Variants in MAML3 observed in about 807,000 individuals in gnomAD.
MAML3 encodes mastermind-like protein 3.
Under a neutral mutation model 101.9 loss-of-function variants are expected in MAML3, and 27 were observed. The observed-to-expected ratio is 0.27, with a 90% CI of 0.20 to 0.37. The LOEUF (loss-of-function observed/expected upper bound fraction) is 0.37, where lower values mean the gene tolerates loss of function less well. MAML3 is among the 10% of genes least tolerant of loss of function. The pLI, the probability that MAML3 is intolerant of heterozygous loss-of-function variation, is 1.00. For missense variants in MAML3, 1,316 were observed against 1,444.9 expected (o/e 0.91, Z 1.45); for synonymous variants, 501 against 555.9 (o/e 0.90, Z 1.39).
intron 1 of MAML3, among the ~76,000 whole-genome samples, chr4:140,008,885 C>T (rs1349799258): frequency 1.3e-5 from 2 of 152,152 alleles, no homozygotes; most frequent in South Asian, 2.1e-4. Flanking sequence ...TTCGCCACCA[C>T]GAAAACTCTT....
intron 1 of MAML3, among the ~76,000 whole-genome samples, chr4:140,063,368 T>C (rs1330119679): frequency 6.6e-6 from 1 of 152,140 alleles, no homozygotes; most frequent in African/African-American, 2.4e-5. Context: ...GATGCATAGA[T>C]AGATCCTTCC....
At chr4:139,862,220 C>G (rs1731797232) in intron 2 of MAML3, among the ~76,000 whole-genome samples, 1 of 152,026 alleles carries the variant, frequency 6.6e-6, no homozygotes, top group Admixed American at 6.5e-5. Context: ...CAAAAACAAA[C>G]AAACAAAAAA....
At chr4:140,089,306 CAAT>C (rs1290439923) in intron 1 of MAML3, among the ~76,000 whole-genome samples, 1 of 152,016 alleles carries the variant, frequency 6.6e-6, no homozygotes, top group African/African-American at 2.4e-5. Flanking sequence ...AGATTTTGAC[CAAT>C]AATAATAAGA....
At chr4:139,978,618 AAAG>A (rs1423714558) in intron 1 of MAML3, among the ~76,000 whole-genome samples, 2 of 151,310 alleles carry the variant, frequency 1.3e-5, no homozygotes, top group African/African-American at 2.4e-5. Context: ...CATCAAAAAA[AAAG>A]AGAGAGAGAG....
chr4:139,801,485 G>A (rs1283427002), intron 2 of MAML3, among the ~76,000 whole-genome samples: 1 of 152,164 alleles, frequency 6.6e-6, no homozygotes, highest in Non-Finnish European at 1.5e-5. Flanking sequence ...GAAGGGAGGA[G>A]CATAAAACAT....
chr4:139,753,074 C>T (rs1458158644), intron 2 of MAML3, among the ~76,000 whole-genome samples: 1 of 152,162 alleles, frequency 6.6e-6, no homozygotes, highest in Non-Finnish European at 1.5e-5. Context: ...GGAGAGGGCT[C>T]AGCCAGTGAA....
At chr4:140,114,280 T>C (rs143906341) in intron 1 of MAML3, among the ~76,000 whole-genome samples, 1,622 of 152,318 alleles carry the variant, frequency 0.011, 37 homozygotes, top group African/African-American at 0.037. Flanking sequence ...TGTGGAGAAA[T>C]CTCACCAGCT....
At chr4:139,894,885 A>C (rs1396797404) in intron 1 of MAML3, among the ~76,000 whole-genome samples, 1 of 152,242 alleles carries the variant, frequency 6.6e-6, no homozygotes, top group Non-Finnish European at 1.5e-5. Flanking sequence ...TCACAGCTTT[A>C]GGACTTAAAG....
rs56928318 is a variant in MAML3, at chr4:139,864,923, C to CTTGTTTTTTT, written c.2079+24433_2079+24434insAAAAAAACAA. 3.3e-3 allele frequency among the ~76,000 whole-genome samples: 206 copies of CTTGTTTTTTT among 62,468 alleles called. 83 individuals carry two copies. Among genetic ancestry groups the CTTGTTTTTTT allele is most frequent in the African/African-American group, 8.1e-3 (138 of 17,070 alleles). The allele number at this position is 62,468 out of a possible 152,430, so 41.0% of individuals were successfully genotyped here. A position where few individuals can be genotyped will look rare whatever the true frequency, so the allele number is the denominator to read the frequency against. ...TTAGGAAAATAGTAATGCAAACTTGCTTTTTTTTTTTTTTTTTTTTTTTTT... is the reference window on the plus strand; with the variant it reads ...TTAGGAAAATAGTAATGCAAACTTGCTTGTTTTTTTTTTTTTTTTTTTTTTTTTTTTTTTT... On this transcript the variant is annotated intron_variant, in intron 2 of 4. Coordinates refer to ENST00000509479, the MANE Select transcript of MAML3 (RefSeq NM_018717.5).
chr4:139,889,304 G>A (rs1406436076), intron 2 of MAML3, 53 bp downstream of exon 2: 1 of 1,613,428 alleles, frequency 6.2e-7, no homozygotes, highest in African/African-American at 1.3e-5. Flanking sequence ...CACATCGACA[G>A]TCTGAAATGC....
At chr4:139,941,524 GTGT>G (rs141468630) in intron 1 of MAML3, among the ~76,000 whole-genome samples, 46,882 of 150,498 alleles carry the variant, frequency 0.31, 7,538 homozygotes, top group Non-Finnish European at 0.35. Flanking sequence ...TAACCCTAAT[GTGT>G]TGTTGTTGTT....
intron 1 of MAML3, among the ~76,000 whole-genome samples, chr4:139,967,394 A>G (rs760550865): frequency 6.6e-6 from 1 of 150,928 alleles, no homozygotes; most frequent in Non-Finnish European, 1.5e-5. Flanking sequence ...ATCTTACCCT[A>G]TTTCCCTGTG....
intron 1 of MAML3, among the ~76,000 whole-genome samples, chr4:139,966,440 C>T (rs565495825): frequency 6.6e-6 from 1 of 152,232 alleles, no homozygotes; most frequent in Admixed American, 6.5e-5. Context: ...ATGGTGAAGT[C>T]AGCTCATCAA....
intron 2 of MAML3, among the ~76,000 whole-genome samples, chr4:139,845,628 C>G (rs1731430389): frequency 2.0e-5 from 3 of 152,102 alleles, no homozygotes; most frequent in African/African-American, 7.2e-5. Context: ...TAAAATTTTA[C>G]TCATCTCAGT....
intron 1 of MAML3, among the ~76,000 whole-genome samples, chr4:139,929,636 G>A (rs186848640): frequency 1.3e-5 from 2 of 152,188 alleles, no homozygotes; most frequent in South Asian, 2.1e-4. Flanking sequence ...GGTACATAAC[G>A]TATGGGCAGA....
intron 1 of MAML3, among the ~76,000 whole-genome samples, chr4:140,122,791 CAAAAAAA>C (rs35276329): frequency 1.2e-5 from 1 of 82,950 alleles, no homozygotes; most frequent in Non-Finnish European, 2.6e-5. Context: ...GACTCCGTCT[CAAAAAAA>C]AAAAAAAAAA....
At chr4:140,082,207 A>G (rs1367515335) in intron 1 of MAML3, among the ~76,000 whole-genome samples, 1 of 152,214 alleles carries the variant, frequency 6.6e-6, no homozygotes, top group African/African-American at 2.4e-5. Context: ...GGTTCAAGGG[A>G]AGAATGTTTT....
intron 1 of MAML3, among the ~76,000 whole-genome samples, chr4:139,939,908 G>A (rs1053313088): frequency 6.6e-6 from 1 of 152,012 alleles, no homozygotes; most frequent in Non-Finnish European, 1.5e-5. Context: ...GGGATTACAG[G>A]CGCCCGCCAC....
At chr4:139,889,098 T>C in intron 2 of MAML3, 1 of 674,888 alleles carries the variant, frequency 1.5e-6, no homozygotes, top group Non-Finnish European at 2.7e-6. Flanking sequence ...TTTATGTAAT[T>C]CTTATCTGCA....
Sources: gnomAD v4.1 joint callset for allele counts (sites outside exome capture counted in the v4.1 genomes callset) on GRCh38, gnomAD v4.1.1 for gene constraint, MANE v1.5 for transcripts, NCBI Gene and HGNC (gene_info 2026-07-23, HGNC 2026-07-21) for gene names.